Variants in EXT1 observed in about 807,000 individuals in gnomAD.
EXT1 encodes the protein exostosin-1.
A neutral mutation model predicts 82.5 loss-of-function variants in EXT1; 20 were observed. That is an observed-to-expected ratio of 0.24 (90% CI 0.17 to 0.35). The LOEUF (loss-of-function observed/expected upper bound fraction) is 0.35. EXT1 is among the 10% of genes least tolerant of loss of function. The probability of loss-of-function intolerance (pLI) is 1.00; values close to 1 mark genes in which losing one functional copy is unlikely to be tolerated. For missense variants in EXT1, 757 were observed against 936.5 expected (o/e 0.81, Z 2.50); for synonymous variants, 348 against 350.8 (o/e 0.99, Z 0.09).
At chr8:118,009,145 T>C (rs185250791) in intron 1 of EXT1, among the ~76,000 whole-genome samples, 4 of 152,266 alleles carry the variant, frequency 2.6e-5, no homozygotes, top group African/African-American at 7.2e-5. Context: ...CACATCGCAA[T>C]AGGGACTTGA....
chr8:117,899,325 A>T (rs1813399798), intron 1 of EXT1, among the ~76,000 whole-genome samples: 1 of 152,256 alleles, frequency 6.6e-6, no homozygotes, highest in Non-Finnish European at 1.5e-5. Flanking sequence ...TACTAGCTAT[A>T]GGAGGAAAAC....
At chr8:117,925,067 T>G (rs905460781) in intron 1 of EXT1, among the ~76,000 whole-genome samples, 1 of 152,174 alleles carries the variant, frequency 6.6e-6, no homozygotes, top group African/African-American at 2.4e-5. Context: ...CTGTAATTTT[T>G]TAGGTAAAAA....
chr8:117,821,906 C>A (rs1270235976), intron 5 of EXT1, among the ~76,000 whole-genome samples: 2 of 152,182 alleles, frequency 1.3e-5, no homozygotes, highest in African/African-American at 4.8e-5. Flanking sequence ...TGTGATTAGA[C>A]TGAAAACCGC....
At chr8:117,992,627 C>T (rs951087780) in intron 1 of EXT1, among the ~76,000 whole-genome samples, 13 of 152,174 alleles carry the variant, frequency 8.5e-5, no homozygotes, top group Non-Finnish European at 1.5e-5. Context: ...AAGCTTCCAG[C>T]TCCCTGCAGG....
chr8:117,835,322 G>A (rs1223871624), intron 3 of EXT1, 122 bp downstream of exon 3: 2 of 746,454 alleles, frequency 2.7e-6, no homozygotes, highest in Non-Finnish European at 4.8e-6. Context: ...CATGACACAG[G>A]TAATTTTCTC....
chr8:117,916,806 CTG>C (rs942228752), intron 1 of EXT1, among the ~76,000 whole-genome samples: 1 of 152,062 alleles, frequency 6.6e-6, no homozygotes, highest in African/African-American at 2.4e-5. Context: ...ACTCGGGAGA[CTG>C]AGGCACGAGA....
At chr8:117,863,859 T>C (rs1045471667) in intron 1 of EXT1, among the ~76,000 whole-genome samples, 1 of 152,154 alleles carries the variant, frequency 6.6e-6, no homozygotes, top group Admixed American at 6.5e-5. Context: ...ATTTTATATA[T>C]GCATATGAGG....
At chr8:118,096,790 A>G (rs1817627348) in intron 1 of EXT1, among the ~76,000 whole-genome samples, 1 of 152,196 alleles carries the variant, frequency 6.6e-6, no homozygotes. Context: ...ACATGACAAG[A>G]AACTCTGGGT....
chr8:117,950,955 G>A (rs1326011235), intron 1 of EXT1, among the ~76,000 whole-genome samples: 1 of 151,992 alleles, frequency 6.6e-6, no homozygotes, highest in Admixed American at 6.6e-5. Context: ...TAACCAAAGA[G>A]GCAAATTATA....
intron 1 of EXT1, among the ~76,000 whole-genome samples, chr8:118,060,738 A>C (rs1816868598): frequency 1.3e-5 from 2 of 152,220 alleles, no homozygotes; most frequent in African/African-American, 4.8e-5. Context: ...TACCTTAAGC[A>C]ATTAGGGCTG....
In EXT1 at chr8:117,908,494, G is replaced by A. The variant is rs577798521; in HGVS notation, c.963-71293C>T. Among the ~76,000 whole-genome samples the A allele has an allele frequency of 6.5e-4, 99 of 152,098 alleles. No homozygotes were observed. In the South Asian group the frequency reaches 0.011, roughly 17 times the overall value. Reference sequence around the variant, plus strand: ...AAAATACAAAAATTAGCTAGGCATGGTGGTGTATGCCTGTAGTCCCAGCTA... The same window carrying A: ...AAAATACAAAAATTAGCTAGGCATGATGGTGTATGCCTGTAGTCCCAGCTA... On this transcript the variant is annotated intron_variant, in intron 1 of 10. Coordinates refer to ENST00000378204, the MANE Select transcript of EXT1 (RefSeq NM_000127.3).
intron 1 of EXT1, among the ~76,000 whole-genome samples, chr8:117,996,643 AG>A (rs1815543478): frequency 6.6e-6 from 1 of 152,234 alleles, no homozygotes; most frequent in Admixed American, 6.5e-5. Context: ...TAAATTTTGG[AG>A]TAATTTGTAA....
At chr8:118,032,715 G>T (rs569087810) in intron 1 of EXT1, among the ~76,000 whole-genome samples, 75 of 152,026 alleles carry the variant, frequency 4.9e-4, no homozygotes, top group Non-Finnish European at 8.8e-4. Flanking sequence ...TCTCCACGTT[G>T]GTCAGGCTGG....
intron 1 of EXT1, among the ~76,000 whole-genome samples, chr8:117,912,749 GT>G (rs1231107525): frequency 2.0e-5 from 3 of 152,168 alleles, no homozygotes; most frequent in Non-Finnish European, 4.4e-5. Flanking sequence ...TACATATAAT[GT>G]CCCAAAGTCA....
chr8:117,858,829 G>GA (rs1563582191), intron 1 of EXT1, among the ~76,000 whole-genome samples: 26 of 43,002 alleles, frequency 6.0e-4, no homozygotes, highest in African/African-American at 2.1e-3. Context: ...AGGAAGGAAG[G>GA]AAGGAAGGAA....
At chr8:118,026,138 C>G (rs771416983) in intron 1 of EXT1, among the ~76,000 whole-genome samples, 2 of 152,138 alleles carry the variant, frequency 1.3e-5, no homozygotes, top group Admixed American at 6.5e-5. Flanking sequence ...GCAAGAGACA[C>G]AAGACGCAAT....
chr8:118,105,245 C>A (rs1037167717), intron 1 of EXT1, among the ~76,000 whole-genome samples: 1 of 152,220 alleles, frequency 6.6e-6, no homozygotes, highest in African/African-American at 2.4e-5. Context: ...AGCCTTCTGA[C>A]AGAAAGAACT....
intron 1 of EXT1, among the ~76,000 whole-genome samples, chr8:118,075,617 T>C (rs1305873030): frequency 6.6e-6 from 1 of 152,192 alleles, no homozygotes; most frequent in Non-Finnish European, 1.5e-5. Context: ...TGCGTTGCTA[T>C]GAAGAAATAC....
intron 1 of EXT1, among the ~76,000 whole-genome samples, chr8:117,893,139 G>A (rs187654574): frequency 1.1e-3 from 162 of 152,306 alleles, no homozygotes; most frequent in African/African-American, 3.8e-3. Flanking sequence ...ATGGATTGAT[G>A]GATGAATAAT....
Sources: gnomAD v4.1 joint callset for allele counts (sites outside exome capture counted in the v4.1 genomes callset) on GRCh38, gnomAD v4.1.1 for gene constraint, MANE v1.5 for transcripts, NCBI Gene and HGNC (gene_info 2026-07-23, HGNC 2026-07-21) for gene names.